The following RALGPS1 variants were observed in gnomAD, a reference collection of about 807,000 sequenced individuals.
The protein encoded by RALGPS1 is Ral GEF with PH domain and SH3 binding motif 1.
RALGPS1 carries 19 observed loss-of-function variants against 78.8 expected under a neutral mutation model. The ratio of observed to expected loss-of-function variants is 0.24; its 90% CI spans 0.17 to 0.35. RALGPS1 has a LOEUF of 0.35. Among genes scored for constraint, RALGPS1 ranks in the 10% least tolerant of loss-of-function variants. RALGPS1 has a pLI of 1.00. For missense variants in RALGPS1, 454 were observed against 688.3 expected, an observed-to-expected ratio of 0.66 and a Z score of 3.81; for synonymous variants, 228 against 256.3, an observed-to-expected ratio of 0.89 and a Z score of 1.06.
intron 3 of RALGPS1, among the ~76,000 whole-genome samples, chr9:126,972,605 A>G (rs907169711): frequency 1.3e-5 from 2 of 152,186 alleles, no homozygotes; most frequent in African/African-American, 4.8e-5. Flanking sequence ...CCTGTGTCTG[A>G]TGAAGTCCCT....
At chr9:127,103,275 T>C (rs775605543) in intron 8 of RALGPS1, among the ~76,000 whole-genome samples, 3 of 152,254 alleles carry the variant, frequency 2.0e-5, no homozygotes, top group Non-Finnish European at 2.9e-5. Flanking sequence ...AACACTCTTG[T>C]TCAAGTTGTC....
Position 126,914,981 on chromosome 9 carries a change from C to CGGCCGGG in RALGPS1, c.-66+7_-66+13dup, listed in dbSNP as rs1251864594. On this transcript the variant is annotated splice_region_variant and intron_variant, in intron 1 of 18. Coordinates refer to ENST00000259351, the MANE Select transcript of RALGPS1 (RefSeq NM_014636.3). Reference sequence around the variant, plus strand: ...CCACTGCGGCCCGCGTCAAGGTGACCGGCCGGGACTGCGGCGGCGGGGAGA... The same window carrying CGGCCGGG: ...CCACTGCGGCCCGCGTCAAGGTGACCGGCCGGGGGCCGGGACTGCGGCGGCGGGGAGA... The CGGCCGGG allele has an allele frequency of 6.6e-6, 1 of 150,420 alleles. No homozygotes were observed. The highest frequency in any genetic ancestry group is 2.4e-5 in the African/African-American group (1 of 41,030). 9.3% of individuals were successfully genotyped at this position (150,420 alleles called of 1,614,324 possible). A position where few individuals can be genotyped will look rare whatever the true frequency, so the allele number is the denominator to read the frequency against.
chr9:126,958,142 A>AAAAAAAAAAAAATATATAT (rs113413659), intron 1 of RALGPS1, among the ~76,000 whole-genome samples: 1 of 77,082 alleles, frequency 1.3e-5, no homozygotes, highest in Non-Finnish European at 2.8e-5. Context: ...AAAAAAAAAA[A>AAAAAAAAAAAAATATATAT]ATATATATAT....
chr9:126,916,583 C>G (rs2034185097), intron 1 of RALGPS1, among the ~76,000 whole-genome samples: 1 of 152,176 alleles, frequency 6.6e-6, no homozygotes, highest in Non-Finnish European at 1.5e-5. Context: ...GAGTCCGAGA[C>G]CAGCCTGGCC....
Position 127,066,469 on chromosome 9 carries a change from C to T in RALGPS1, c.484-2761C>T, listed in dbSNP as rs531410948. ...TGGACTGGCCAACATGGTGAAACCC[C>T]GTCTCTACTAGAAATACAAAAATTA... On this transcript the variant is annotated intron_variant, in intron 7 of 18. Coordinates refer to ENST00000259351, the MANE Select transcript of RALGPS1 (RefSeq NM_014636.3). Among the ~76,000 whole-genome samples the T allele has an allele frequency of 5.3e-5, 8 of 152,210 alleles. No homozygotes were observed. In the South Asian group the frequency reaches 8.3e-4, roughly 16 times the overall value.
chr9:127,072,747 C>T (rs1397815641), intron 8 of RALGPS1, among the ~76,000 whole-genome samples: 2 of 152,164 alleles, frequency 1.3e-5, no homozygotes, highest in African/African-American at 2.4e-5. Flanking sequence ...ATATATGTTA[C>T]AGTCCCCTTA....
In RALGPS1 at chr9:127,183,028, A is replaced by G. The variant is rs987295598; in HGVS notation, c.910+8246A>G. On this transcript the variant is annotated intron_variant, in intron 11 of 18. Transcript: ENST00000259351. This position sits in a 1 kb window ranked among gnomAD's most constrained non-coding sequence, Gnocchi z 4.0. ...ATGTCACATGGTGAGAGCAGAAGCA[A>G]GAGATTCAGGGGTGAGGAGAGGCAA... is the stretch of plus-strand genomic sequence containing the variant. 4.6e-5 allele frequency among the ~76,000 whole-genome samples: 7 copies of G among 152,182 alleles called. No individual in the cohort carries two copies. Among genetic ancestry groups the G allele is most frequent in the African/African-American group, 1.7e-4 (7 of 41,448 alleles).
At chr9:127,216,822 C>A in intron 18 of RALGPS1, 1 of 1,306,968 alleles carries the variant, frequency 7.7e-7, no homozygotes, top group African/African-American at 1.5e-5. Context: ...ACTGGTCACA[C>A]CATGTGTGTC....
chr9:126,988,086 T>G (rs546246864), intron 4 of RALGPS1, among the ~76,000 whole-genome samples: 4 of 152,292 alleles, frequency 2.6e-5, no homozygotes. Context: ...AGGTCTCTCC[T>G]GCAAGACCAG....
At chr9:126,962,371 C>G in intron 2 of RALGPS1, 25 bp downstream of exon 2, 1 of 1,613,030 alleles carries the variant, frequency 6.2e-7, no homozygotes, top group Non-Finnish European at 8.5e-7. Context: ...AGAATCGGGA[C>G]AGTGGGTAGA....
intron 4 of RALGPS1, among the ~76,000 whole-genome samples, chr9:126,981,461 C>T (rs1206209360): frequency 1.3e-5 from 2 of 152,218 alleles, no homozygotes; most frequent in Admixed American, 6.5e-5. Flanking sequence ...GCCTCTGTGT[C>T]CTTGCTTGGC....
intron 11 of RALGPS1, among the ~76,000 whole-genome samples, chr9:127,191,699 T>G (rs890047229): frequency 3.6e-4 from 42 of 117,152 alleles, no homozygotes; most frequent in Middle Eastern, 4.6e-3. Context: ...GGTTTTTTTT[T>G]GTTTTTTTTT....
intron 1 of RALGPS1, among the ~76,000 whole-genome samples, chr9:126,919,115 G>T (rs572038949): frequency 6.6e-6 from 1 of 152,278 alleles, no homozygotes; most frequent in South Asian, 2.1e-4. Context: ...CTTACACAAA[G>T]AATAGCATTT....
chr9:126,983,854 G>C (rs1794286542), intron 4 of RALGPS1, among the ~76,000 whole-genome samples: 1 of 151,858 alleles, frequency 6.6e-6, no homozygotes, highest in South Asian at 2.1e-4. Flanking sequence ...TTGGATTTTG[G>C]GTCAGTCTTT....
At chr9:127,008,822 G>T (rs1018813184) in intron 4 of RALGPS1, among the ~76,000 whole-genome samples, 1 of 152,186 alleles carries the variant, frequency 6.6e-6, no homozygotes, top group Non-Finnish European at 1.5e-5. Flanking sequence ...AATGAATTTA[G>T]ATCCTGGCTA....
intron 8 of RALGPS1, among the ~76,000 whole-genome samples, chr9:127,145,698 G>A (rs943588514): frequency 2.0e-5 from 3 of 152,162 alleles, no homozygotes; most frequent in African/African-American, 7.2e-5. Context: ...CAGAAGATGT[G>A]GAGCTCTCTG....
chr9:127,153,546 G>A (rs1326302455), intron 8 of RALGPS1, among the ~76,000 whole-genome samples: 1 of 152,088 alleles, frequency 6.6e-6, no homozygotes, highest in Non-Finnish European at 1.5e-5. Flanking sequence ...GAGGTCCTCA[G>A]TGAGTATTTG....
At chr9:127,163,744 T>C (rs1193709780) in intron 8 of RALGPS1, among the ~76,000 whole-genome samples, 2 of 152,226 alleles carry the variant, frequency 1.3e-5, no homozygotes, top group Non-Finnish European at 2.9e-5. Flanking sequence ...GTAAAATAGC[T>C]TGTTAGAAGG....
Position 127,050,038 on chromosome 9 carries a change from T to C in RALGPS1, c.301-5T>C. On this transcript the variant is annotated splice_region_variant and splice_polypyrimidine_tract_variant and intron_variant, in intron 5 of 18. Coordinates refer to ENST00000259351, the MANE Select transcript of RALGPS1 (RefSeq NM_014636.3). ...GTGTGTATGTGTGTGTATTTGACTC[T>C]ACAGGTCAGTTTTTGGGTTGTACGA... 2 of 1,608,858 alleles carry C rather than the reference T, an allele frequency of 1.2e-6. No individual in the cohort carries two copies. The highest frequency in any genetic ancestry group is 1.7e-6 in the Non-Finnish European group (2 of 1,175,198).
Sources: allele counts gnomAD v4.1 joint callset (sites outside exome capture counted in the v4.1 genomes callset), GRCh38; gene constraint gnomAD v4.1.1; non-coding constraint Gnocchi (gnomAD v3.1); transcripts MANE v1.5; gene names NCBI Gene and HGNC (gene_info 2026-07-23, HGNC 2026-07-21).